Variants in MTG1 observed in about 807,000 individuals in gnomAD.
The protein encoded by MTG1 is mitochondrial ribosome-associated GTPase 1.
MTG1 carries 30 observed loss-of-function variants against 39.5 expected under a neutral mutation model. The ratio of observed to expected loss-of-function variants is 0.76; its 90% confidence interval spans 0.57 to 1.03. The LOEUF is 1.03. MTG1 is among the 50% of genes least tolerant of loss of function. MTG1 has a pLI of 0.00. For synonymous variants in MTG1, 217 were observed against 179.0 expected, an observed-to-expected ratio of 1.21 and a Z score of -1.69; for missense variants, 513 against 447.4, an observed-to-expected ratio of 1.15 and a Z score of -1.32.
intron 9 of MTG1, among the ~76,000 whole-genome samples, chr10:133,410,906 T>C (rs908378259): frequency 2.1e-4 from 31 of 149,180 alleles, no homozygotes; most frequent in Non-Finnish European, 7.4e-5. Flanking sequence ...CTTATTTCAA[T>C]TTATTTTTTT....
intron 9 of MTG1, among the ~76,000 whole-genome samples, chr10:133,407,399 A>G (rs1349800260): frequency 1.3e-5 from 2 of 152,172 alleles, no homozygotes; most frequent in Admixed American, 6.5e-5. Context: ...TTTTAACAGT[A>G]TTCTTCTGAC....
chr10:133,404,507 T>G (rs1849941642), intron 9 of MTG1, among the ~76,000 whole-genome samples: 1 of 152,116 alleles, frequency 6.6e-6, no homozygotes, highest in Non-Finnish European at 1.5e-5. Flanking sequence ...CTGTGCCTTG[T>G]CTTTTCAGCC....
At chr10:133,409,314 G>A (rs1239217801) in intron 9 of MTG1, among the ~76,000 whole-genome samples, 9 of 152,096 alleles carry the variant, frequency 5.9e-5, no homozygotes, top group Admixed American at 1.3e-4. Context: ...ATTCAGGAGC[G>A]TGTTGTTTAA....
At chr10:133,409,549 T>G (rs1406892723) in intron 9 of MTG1, among the ~76,000 whole-genome samples, 1 of 152,222 alleles carries the variant, frequency 6.6e-6, no homozygotes, top group African/African-American at 2.4e-5. Context: ...ACCTGTTTGA[T>G]CTAGCATGTA....
At position 133,420,230 on chromosome 10, in the gene MTG1, G is replaced by A. The variant is rs1295426426; in HGVS notation, c.*65G>A. 1 of 1,519,154 alleles carries A rather than the reference G, an allele frequency of 6.6e-7. No individual in the cohort carries two copies. The highest frequency in any genetic ancestry group is 8.8e-7 in the Non-Finnish European group (1 of 1,133,236). 94.1% of individuals were successfully genotyped at this position (1,519,154 alleles called of 1,614,324 possible). The stretch of plus-strand genomic sequence containing the variant: ...CAGACCTCCTGACCTGGGTGGTTGA[G>A]GCTCAAGACAGCTCACCCGGTCCAG... On this transcript the variant is annotated 3_prime_UTR_variant, in exon 11 of 11. Transcript: ENST00000317502.
At chr10:133,417,713 C>A (rs867272935) in intron 9 of MTG1, among the ~76,000 whole-genome samples, 11 of 151,632 alleles carry the variant, frequency 7.3e-5, no homozygotes, top group South Asian at 2.1e-4. Context: ...CAAAAATCAC[C>A]AGCATTCTTA....
rs61868275 is a variant in MTG1, at chr10:133,420,862, C to T, written c.*697C>T. 7.9e-5 allele frequency: 12 copies of T among 152,532 alleles called. No homozygotes were observed. Among genetic ancestry groups the T allele is most frequent in the African/African-American group, 2.9e-4 (12 of 41,600 alleles). 9.4% of individuals were successfully genotyped at this position (152,532 alleles called of 1,614,324 possible). A position where few individuals can be genotyped will look rare whatever the true frequency, so the allele number is the denominator to read the frequency against. ...CGCCCGGCATGGGCAGTAGAGACCC[C>T]TGGCCTCTGAGCACCTTCTAGCTCA... On this transcript the variant is annotated 3_prime_UTR_variant, in exon 11 of 11. Transcript: ENST00000317502.
intron 9 of MTG1, among the ~76,000 whole-genome samples, chr10:133,416,566 A>C (rs1373730664): frequency 1.1e-5 from 1 of 91,114 alleles, no homozygotes; most frequent in Non-Finnish European, 2.0e-5. Flanking sequence ...CCCCCACCCC[A>C]CAACAGTCCC....
intron 3 of MTG1, among the ~76,000 whole-genome samples, chr10:133,397,134 T>C (rs564665392): frequency 7.9e-5 from 12 of 152,328 alleles, no homozygotes; most frequent in African/African-American, 2.9e-4. Flanking sequence ...TGATGTTCCA[T>C]CTTGTACACC....
chr10:133,409,783 G>A (rs1339296567), intron 9 of MTG1, among the ~76,000 whole-genome samples: 1 of 151,922 alleles, frequency 6.6e-6, no homozygotes, highest in Non-Finnish European at 1.5e-5. Flanking sequence ...GACTTTCTCT[G>A]TGTCTTTTTA....
rs111298168 is a variant in MTG1 at position 133,407,232 on chromosome 10, C to T, written c.752+4459C>T. Among the ~76,000 whole-genome samples the T allele has an allele frequency of 2.3e-3, 356 of 152,282 alleles. 6 individuals are homozygous for T. The highest frequency in any genetic ancestry group is 6.0e-3 in the African/African-American group (248 of 41,550). On this transcript the variant is annotated intron_variant, in intron 9 of 10. Transcript: ENST00000317502. ...TTTGAAGTCAGGTAGTGTGATGCCT[C>T]TAGCTTTGTTCTTTTTGCTTCAGGT...
Position 133,402,523 on chromosome 10 carries a change from GC to G in MTG1, c.671-167del, listed in dbSNP as rs1849898209. ...TCGCAGGTGCCAGGCAGGAGTGGGG[GC>G]CGGGACCACAGCCGAGTGCCGTCCT... On this transcript the variant is annotated intron_variant, in intron 8 of 10. Coordinates refer to ENST00000317502, the MANE Select transcript of MTG1 (RefSeq NM_138384.4). This position sits in a 1 kb window ranked among gnomAD's most constrained non-coding sequence, Gnocchi z 4.7. 1.4e-6 allele frequency: 1 copy of G among 719,940 alleles called. No homozygotes were observed. The highest frequency in any genetic ancestry group is 2.3e-6 in the Non-Finnish European group (1 of 434,282). The allele number at this position is 719,940 out of a possible 1,614,324, so 44.6% of individuals were successfully genotyped here.
At position 133,399,650 on chromosome 10, in the gene MTG1, A is replaced by G. The variant is rs763863352; in HGVS notation, c.511+31A>G. On this transcript the variant is annotated intron_variant, in intron 6 of 10. Transcript: ENST00000317502. ...GGCGCGTGCGGCTGATCACCTCAGG[A>G]AAGGTACTGGCGCGTGTGGCTGATG... The G allele has an allele frequency of 4.4e-6, 7 of 1,608,468 alleles. No individual in the cohort carries two copies. The South Asian group carries it at 6.6e-5, about 15-fold the overall frequency.
chr10:133,413,011 C>T (rs1850069159), intron 9 of MTG1, among the ~76,000 whole-genome samples: 1 of 152,156 alleles, frequency 6.6e-6, no homozygotes, highest in Non-Finnish European at 1.5e-5. Context: ...TTGTTATGTC[C>T]TCTTGATGAT....
intron 9 of MTG1, among the ~76,000 whole-genome samples, chr10:133,408,369 A>G (rs1849999038): frequency 1.3e-5 from 2 of 152,130 alleles, no homozygotes; most frequent in Admixed American, 1.3e-4. Context: ...ATTGATGTGC[A>G]TATGTTAAAC....
chr10:133,415,072 A>G (rs1212465208), intron 9 of MTG1, among the ~76,000 whole-genome samples: 2 of 152,252 alleles, frequency 1.3e-5, no homozygotes, highest in African/African-American at 4.8e-5. Context: ...AGGCTGAGGC[A>G]GGAGAATCAG....
intron 5 of MTG1, 51 bp downstream of exon 5, chr10:133,399,277 C>T: frequency 6.3e-7 from 1 of 1,593,506 alleles, no homozygotes; most frequent in Non-Finnish European, 8.6e-7. Context: ...GTGGGATGGG[C>T]CAGCCCCTCC....
intron 9 of MTG1, among the ~76,000 whole-genome samples, chr10:133,406,474 G>A (rs1849972012): frequency 6.6e-6 from 1 of 151,126 alleles, no homozygotes; most frequent in South Asian, 2.1e-4. Flanking sequence ...TGTTTCCTTT[G>A]CTGTGCAGAA....
rs375188629 is a variant in MTG1, at chr10:133,419,493, T to C, written c.766T>C (p.Tyr256His). 6.2e-7 allele frequency: 1 copy of C among 1,601,546 alleles called. No individual in the cohort carries two copies. The highest frequency in any genetic ancestry group is 1.3e-5 in the African/African-American group (1 of 74,766). ...GCCTATGTGCAGGTACGTGCAGCAC[T>C]ACGGCCTGGGCAGTGCCTGTGACAA... is the stretch of plus-strand genomic sequence containing the variant. ...KHQRFGYVQHYGLGSACDNVE... is the reference protein window; with the variant it reads ...KHQRFGYVQHHGLGSACDNVE... Residue 256 changes from tyrosine (Y) to histidine (H), a missense_variant, in exon 10 of 11, where the codon TAC becomes CAC. Transcript: ENST00000317502.
Sources: allele counts gnomAD v4.1 joint callset (sites outside exome capture counted in the v4.1 genomes callset), GRCh38; gene constraint gnomAD v4.1.1; non-coding constraint Gnocchi (gnomAD v3.1); transcripts MANE v1.5; gene names NCBI Gene and HGNC (gene_info 2026-07-23, HGNC 2026-07-21).